PRMT3: variants seen among roughly 807,000 people sequenced by gnomAD.
PRMT3 encodes protein arginine N-methyltransferase 3.
Under a neutral mutation model 71.9 loss-of-function variants are expected in PRMT3, and 62 were observed. The observed-to-expected ratio is 0.86, with a 90% CI of 0.70 to 1.07. The LOEUF is 1.07. PRMT3 is among the 50% of genes least tolerant of loss of function. The pLI is 0.00. For missense variants in PRMT3, 663 were observed against 643.0 expected, an observed-to-expected ratio of 1.03 and a Z score of -0.34; for synonymous variants, 213 against 220.4, an observed-to-expected ratio of 0.97 and a Z score of 0.30.
intron 8 of PRMT3, among the ~76,000 whole-genome samples, chr11:20,404,249 T>A (rs1188106669): frequency 1.5e-5 from 1 of 66,814 alleles, no homozygotes; most frequent in South Asian, 6.1e-4. Context: ...TTTTTTTTTT[T>A]TTTGAGACAG....
intron 9 of PRMT3, among the ~76,000 whole-genome samples, chr11:20,426,180 T>TGATA (rs1279521256): frequency 6.6e-6 from 1 of 152,242 alleles, no homozygotes; most frequent in Non-Finnish European, 1.5e-5. Context: ...TTGTTGTTGA[T>TGATA]GATAGTGTCA....
At chr11:20,401,551 A>T (rs1256681568) in intron 7 of PRMT3, among the ~76,000 whole-genome samples, 9 of 152,308 alleles carry the variant, frequency 5.9e-5, no homozygotes, top group Non-Finnish European at 1.5e-5. Flanking sequence ...CATTAAAAAA[A>T]AACTCAGTTG....
At chr11:20,444,321 A>G (rs1333055540) in intron 10 of PRMT3, among the ~76,000 whole-genome samples, 2 of 152,168 alleles carry the variant, frequency 1.3e-5, no homozygotes, top group Non-Finnish European at 2.9e-5. Context: ...TAGTGTGGCT[A>G]CTATGTACCT....
chr11:20,412,407 C>A (rs529320080), intron 9 of PRMT3, among the ~76,000 whole-genome samples: 67 of 144,104 alleles, frequency 4.6e-4, no homozygotes, highest in Middle Eastern at 3.6e-3. Flanking sequence ...ACCCCCCCCC[C>A]ACCTTTGTTT....
chr11:20,455,710 A>T (rs934440367), intron 11 of PRMT3, among the ~76,000 whole-genome samples: 6 of 152,118 alleles, frequency 3.9e-5, no homozygotes, highest in Non-Finnish European at 8.8e-5. Flanking sequence ...CACATTATAA[A>T]GCCTTAATAA....
intron 5 of PRMT3, among the ~76,000 whole-genome samples, chr11:20,393,539 A>G (rs908339784): frequency 6.6e-6 from 1 of 152,234 alleles, no homozygotes; most frequent in Admixed American, 6.5e-5. Context: ...CAGCCTTTGC[A>G]GTAATTCTTC....
chr11:20,438,726 A>G (rs1849817990), intron 10 of PRMT3, among the ~76,000 whole-genome samples: 1 of 151,934 alleles, frequency 6.6e-6, no homozygotes. Flanking sequence ...TCCATTTCTC[A>G]TGATACTGGG....
intron 7 of PRMT3, among the ~76,000 whole-genome samples, chr11:20,402,172 T>C (rs1296577970): frequency 6.6e-6 from 1 of 152,062 alleles, no homozygotes; most frequent in Non-Finnish European, 1.5e-5. Context: ...CAGGCTGGAG[T>C]GCAATGGTGC....
intron 11 of PRMT3, among the ~76,000 whole-genome samples, chr11:20,452,910 G>A (rs1004189960): frequency 6.6e-6 from 1 of 152,214 alleles, no homozygotes; most frequent in Non-Finnish European, 1.5e-5. Context: ...CTTCTAGGAT[G>A]TAGATGGAGC....
intron 14 of PRMT3, 25 bp from the exon 15 acceptor site, chr11:20,494,142 A>T: frequency 1.3e-6 from 2 of 1,563,558 alleles, no homozygotes; most frequent in South Asian, 2.2e-5. Flanking sequence ...ACTTCATCAA[A>T]TACCTTTGAA....
chr11:20,442,903 A>G (rs1849941282), intron 10 of PRMT3, among the ~76,000 whole-genome samples: 1 of 152,198 alleles, frequency 6.6e-6, no homozygotes. Flanking sequence ...GATATATCAA[A>G]GGGTTAATGA....
intron 13 of PRMT3, among the ~76,000 whole-genome samples, chr11:20,488,438 A>G (rs939709179): frequency 2.6e-5 from 4 of 152,178 alleles, no homozygotes; most frequent in African/African-American, 9.7e-5. Context: ...AGATTTTGAA[A>G]GAAATACTTC....
chr11:20,456,692 A>T (rs1661407354), intron 11 of PRMT3, among the ~76,000 whole-genome samples: 1 of 152,162 alleles, frequency 6.6e-6, no homozygotes, highest in South Asian at 2.1e-4. Context: ...GGGGGAGTTT[A>T]AAATAAATGT....
rs1246498932 is a variant in PRMT3, at chr11:20,389,746, T to C, written c.167T>C (p.Leu56Ser). ...QQTPCLFCNR[L>S]FTSAEETFSH... The stretch of plus-strand genomic sequence containing the variant: ...GAAGCTATTGCTTGATTTTTCAGGT[T>C]ATTCACATCTGCTGAAGAAACATTT... The change falls in exon 3 of 16, where the codon TTA becomes TCA. Residue 56 changes from leucine (L) to serine (S), a missense_variant and splice_region_variant. Leu to Ser is a moderately radical substitution (Grantham distance 145). Transcript: ENST00000331079. 1 of 1,605,384 alleles carries C rather than the reference T, an allele frequency of 6.2e-7. No homozygotes were observed. Among genetic ancestry groups the C allele is most frequent in the Non-Finnish European group, 8.5e-7 (1 of 1,172,976 alleles).
intron 9 of PRMT3, among the ~76,000 whole-genome samples, chr11:20,421,113 A>T (rs1208151303): frequency 6.6e-6 from 1 of 152,094 alleles, no homozygotes; most frequent in Non-Finnish European, 1.5e-5. Context: ...GTCATGTCTC[A>T]CTGCAGCCTT....
rs901066586 is a variant in PRMT3 at position 20,508,646 on chromosome 11, C to G, written c.*233C>G. On this transcript the variant is annotated 3_prime_UTR_variant, in exon 16 of 16. Transcript: ENST00000331079. ...ATCATTTTCTTAGACGTTTGCTCCA[C>G]CAGATTTAACCAAATGTAACTCCCA... The G allele has an allele frequency of 1.6e-6, 1 of 626,126 alleles. No individual in the cohort carries two copies. Among genetic ancestry groups the G allele is most frequent in the African/African-American group, 1.8e-5 (1 of 55,540 alleles). 38.8% of individuals were successfully genotyped at this position (626,126 alleles called of 1,614,324 possible). A position where few individuals can be genotyped will look rare whatever the true frequency, so the allele number is the denominator to read the frequency against.
chr11:20,400,812 GTTATT>G (rs980913126), intron 7 of PRMT3, among the ~76,000 whole-genome samples: 4 of 151,436 alleles, frequency 2.6e-5, no homozygotes, highest in East Asian at 1.9e-4. Flanking sequence ...CAGTAATTTT[GTTATT>G]TTATTTTTCT....
At chr11:20,389,686 A>T (rs952674864) in intron 2 of PRMT3, 58 bp from the exon 3 acceptor site, 3 of 1,198,554 alleles carry the variant, frequency 2.5e-6, no homozygotes, top group African/African-American at 3.1e-5. Flanking sequence ...TGTAACATGA[A>T]ATCAGTATTT....
intron 13 of PRMT3, among the ~76,000 whole-genome samples, chr11:20,465,334 G>A (rs1850487277): frequency 6.6e-6 from 1 of 151,838 alleles, no homozygotes; most frequent in African/African-American, 2.4e-5. Flanking sequence ...TATAGTATGA[G>A]TTTATATAGG....
Sources: allele counts gnomAD v4.1 joint callset (sites outside exome capture counted in the v4.1 genomes callset), GRCh38; gene constraint gnomAD v4.1.1; transcripts MANE v1.5; gene names NCBI Gene and HGNC (gene_info 2026-07-23, HGNC 2026-07-21).